CPM: variants seen among roughly 807,000 people sequenced by gnomAD.
The protein encoded by CPM is renal carboxypeptidase.
In CPM, 35 loss-of-function variants were observed where a neutral mutation model predicts 46.4. The ratio of observed to expected loss-of-function variants is 0.75; its 90% confidence interval spans 0.58 to 1.00. The LOEUF is 1.00. Ranked by LOEUF, CPM falls within the 50% of genes least tolerant of loss-of-function variation. CPM has a pLI of 0.00. For synonymous variants in CPM, 195 were observed against 195.3 expected (o/e 1.00, Z 0.01); for missense variants, 422 against 530.4 (o/e 0.80, Z 2.01).
In CPM at chr12:68,858,902, T is replaced by G. The variant is rs774035632; in HGVS notation, c.1089+21A>C. 16 of 1,376,966 alleles carry G rather than the reference T, an allele frequency of 1.2e-5. No homozygotes were observed. The Admixed American group carries it at 3.9e-4, about 34-fold the overall frequency. 85.3% of individuals were successfully genotyped at this position (1,376,966 alleles called of 1,614,324 possible). On this transcript the variant is annotated intron_variant, in intron 8 of 8. Coordinates refer to ENST00000551568, the MANE Select transcript of CPM (RefSeq NM_198320.5). ...GAGTTCTATAATATTTTAATAACAA[T>G]AACTAGCATTGCATACTTACATTTA... is the stretch of plus-strand genomic sequence containing the variant.
chr12:68,878,725 G>T (rs571229009), intron 3 of CPM, among the ~76,000 whole-genome samples: 1 of 152,222 alleles, frequency 6.6e-6, no homozygotes, highest in South Asian at 2.1e-4. Context: ...TTTCTCTATC[G>T]CAATTCCCCT....
chr12:68,872,023 G>T, intron 3 of CPM, 67 bp from the exon 4 acceptor site: 1 of 1,537,810 alleles, frequency 6.5e-7, no homozygotes, highest in Non-Finnish European at 8.9e-7. Context: ...ACTCCCTACG[G>T]TACAAATTCC....
chr12:68,878,589 C>T (rs1402045297), intron 3 of CPM, among the ~76,000 whole-genome samples: 1 of 152,210 alleles, frequency 6.6e-6, no homozygotes, highest in Non-Finnish European at 1.5e-5. Flanking sequence ...CCACTCCCCA[C>T]TGTCTCTCCC....
upstream of CPM, among the ~76,000 whole-genome samples, chr12:68,935,560 G>A (rs192945043): frequency 4.7e-3 from 721 of 152,146 alleles, 10 homozygotes; most frequent in African/African-American, 0.017. Context: ...CAAAGTGCTG[G>A]GATTACATGA....
chr12:68,899,525 A>G (rs1475264273), intron 2 of CPM, among the ~76,000 whole-genome samples: 3 of 152,274 alleles, frequency 2.0e-5, no homozygotes, highest in Non-Finnish European at 4.4e-5. Flanking sequence ...AAGCATGTTA[A>G]GAATTTCCAG....
downstream of CPM, chr12:68,848,611 A>T (rs1565757604): frequency 6.6e-6 from 1 of 152,216 alleles, no homozygotes; most frequent in Non-Finnish European, 1.5e-5. Context: ...AAGCCTTTTT[A>T]GAAAAAATTG....
chr12:68,893,149 C>CAAAAA (rs3046971), intron 2 of CPM, among the ~76,000 whole-genome samples: 4 of 139,350 alleles, frequency 2.9e-5, no homozygotes, highest in African/African-American at 1.1e-4. Flanking sequence ...CAAAAACTGA[C>CAAAAA]AAAAAAAAAA....
chr12:68,909,841 G>GGT (rs1565792246), intron 2 of CPM, among the ~76,000 whole-genome samples: 1 of 145,262 alleles, frequency 6.9e-6, no homozygotes, highest in Non-Finnish European at 1.5e-5. Flanking sequence ...GTTGGGGGGT[G>GGT]GGGGGGCTAC....
intron 4 of CPM, chr12:68,871,567 G>T: frequency 5.3e-6 from 3 of 561,458 alleles, no homozygotes; most frequent in Non-Finnish European, 9.5e-6. Context: ...AGATGGAGAG[G>T]CTAGGTGGGC....
chr12:68,955,944 G>A (rs551824174), intron 1 of CPM, among the ~76,000 whole-genome samples: 75 of 152,194 alleles, frequency 4.9e-4, no homozygotes, highest in Non-Finnish European at 6.8e-4. Context: ...GCTTCAGGCC[G>A]TCCCCAGCTT....
intron 1 of CPM, among the ~76,000 whole-genome samples, chr12:68,961,065 A>G (rs7308353): frequency 0.013 from 2,028 of 152,322 alleles, 45 homozygotes; most frequent in African/African-American, 0.046. Context: ...AATAGAATAG[A>G]CAGGGACAGT....
At chr12:68,862,707 T>A (rs1376685822) in intron 7 of CPM, among the ~76,000 whole-genome samples, 2 of 92,570 alleles carry the variant, frequency 2.2e-5, no homozygotes, top group Non-Finnish European at 4.7e-5. Context: ...GTCTTTACAA[T>A]ATTTTGTCTA....
intron 2 of CPM, among the ~76,000 whole-genome samples, chr12:68,926,627 A>AT (rs970276141): frequency 3.9e-5 from 6 of 152,034 alleles, no homozygotes; most frequent in African/African-American, 1.5e-4. Context: ...TTAGTTACAT[A>AT]TGTATACATG....
chr12:68,861,404 G>C (rs1885206409), intron 7 of CPM, among the ~76,000 whole-genome samples: 1 of 152,178 alleles, frequency 6.6e-6, no homozygotes, highest in South Asian at 2.1e-4. Flanking sequence ...AAGGTAACTT[G>C]TGCTGGATGG....
At chr12:68,941,390 T>G (rs762224049) in intron 1 of CPM, among the ~76,000 whole-genome samples, 4 of 152,178 alleles carry the variant, frequency 2.6e-5, no homozygotes, top group Non-Finnish European at 4.4e-5. Context: ...TTGTTTGTTT[T>G]TGAGACAGGG....
intron 2 of CPM, chr12:68,913,785 C>A: frequency 1.7e-6 from 1 of 572,896 alleles, no homozygotes; most frequent in Non-Finnish European, 3.3e-6. Context: ...ATGCGGAAAC[C>A]CAGTGTAAAA....
At chr12:68,916,874 C>T (rs548412588) in intron 2 of CPM, among the ~76,000 whole-genome samples, 337 of 128,064 alleles carry the variant, frequency 2.6e-3, no homozygotes, top group African/African-American at 3.3e-3. Flanking sequence ...GGTGACAGAG[C>T]GAGACTCTTG....
At chr12:68,871,347 AAG>A (rs1885685360) in intron 4 of CPM, among the ~76,000 whole-genome samples, 1 of 152,066 alleles carries the variant, frequency 6.6e-6, no homozygotes, top group Non-Finnish European at 1.5e-5. Context: ...TAGATATTAA[AAG>A]TTGTGCTCTG....
chr12:68,882,707 A>C (rs1886249850), intron 3 of CPM, among the ~76,000 whole-genome samples: 2 of 152,216 alleles, frequency 1.3e-5, no homozygotes, highest in Non-Finnish European at 2.9e-5. Context: ...TTTTCTCTGC[A>C]GCCTCATCAG....
Sources: gnomAD v4.1 joint callset for allele counts (sites outside exome capture counted in the v4.1 genomes callset) on GRCh38, gnomAD v4.1.1 for gene constraint, MANE v1.5 for transcripts, NCBI Gene and HGNC (gene_info 2026-07-23, HGNC 2026-07-21) for gene names.